DAAM1: variants seen among roughly 807,000 people sequenced by gnomAD.
The protein encoded by DAAM1 is dishevelled associated activator of morphogenesis 1.
Under a neutral mutation model 130.0 loss-of-function variants are expected in DAAM1, and 52 were observed. The ratio of observed to expected loss-of-function variants is 0.40; its 90% confidence interval spans 0.32 to 0.50. The LOEUF (loss-of-function observed/expected upper bound fraction) is 0.50, where lower values mean the gene tolerates loss of function less well. Among genes scored for constraint, DAAM1 ranks in the 20% least tolerant of loss-of-function variants. DAAM1 has a pLI of 0.61. For missense variants in DAAM1, 1,134 were observed against 1,303.8 expected (o/e 0.87, Z 2.01); for synonymous variants, 452 against 444.5 (o/e 1.02, Z -0.21).
chr14:59,310,283 T>A (rs10145834), intron 3 of DAAM1, among the ~76,000 whole-genome samples: 82,775 of 151,510 alleles, frequency 0.55, 23,412 homozygotes, highest in East Asian at 0.89. Context: ...CTAACTTTTT[T>A]AAAATTATTA....
intron 16 of DAAM1, among the ~76,000 whole-genome samples, chr14:59,343,275 A>G (rs1872896447): frequency 6.6e-6 from 1 of 152,146 alleles, no homozygotes; most frequent in South Asian, 2.1e-4. Context: ...GACAGGTTAG[A>G]AGGGGTTAAC....
At chr14:59,282,389 G>A (rs2139545916) in intron 2 of DAAM1, among the ~76,000 whole-genome samples, 1 of 152,228 alleles carries the variant, frequency 6.6e-6, no homozygotes, top group South Asian at 2.1e-4. Flanking sequence ...ATGACTATCA[G>A]GAATATATGA....
rs199631642 is a variant in DAAM1, at chr14:59,323,270, C to G, written c.774+45C>G. ...TCTTCACTCACCCCTTCTTTAAAGTCTGCTCAAACACGTGCTTTTCCTGTC... is the reference window on the plus strand; with the variant it reads ...TCTTCACTCACCCCTTCTTTAAAGTGTGCTCAAACACGTGCTTTTCCTGTC... On this transcript the variant is annotated intron_variant, in intron 6 of 24. Transcript: ENST00000360909. 3.3e-6 allele frequency: 5 copies of G among 1,512,290 alleles called. No homozygotes were observed. The African/African-American group carries it at 6.9e-5, about 21-fold the overall frequency. The allele number at this position is 1,512,290 out of a possible 1,614,324, so 93.7% of individuals were successfully genotyped here. A position where few individuals can be genotyped will look rare whatever the true frequency, so the allele number is the denominator to read the frequency against.
intron 1 of DAAM1, among the ~76,000 whole-genome samples, chr14:59,260,083 C>T (rs1406422936): frequency 1.3e-5 from 2 of 152,160 alleles, no homozygotes; most frequent in Non-Finnish European, 2.9e-5. Context: ...ACTTTTATAG[C>T]AATTTGACAT....
intron 5 of DAAM1, among the ~76,000 whole-genome samples, chr14:59,322,643 G>T (rs930612513): frequency 1.3e-5 from 2 of 152,232 alleles, no homozygotes; most frequent in African/African-American, 4.8e-5. Flanking sequence ...ATGATCTGTT[G>T]TTTGGTTCTT....
intron 24 of DAAM1, 116 bp downstream of exon 24, chr14:59,367,715 T>C: frequency 7.4e-7 from 1 of 1,347,688 alleles, no homozygotes; most frequent in Non-Finnish European, 9.7e-7. Flanking sequence ...CAATGTACTC[T>C]CTAGAATGCT....
intron 1 of DAAM1, among the ~76,000 whole-genome samples, chr14:59,214,291 G>C (rs1888512195): frequency 6.6e-6 from 1 of 152,182 alleles, no homozygotes; most frequent in African/African-American, 2.4e-5. Context: ...TCACTATGAG[G>C]GATGTTAAAT....
chr14:59,259,595 T>G (rs1293282466), intron 1 of DAAM1, among the ~76,000 whole-genome samples: 1 of 152,188 alleles, frequency 6.6e-6, no homozygotes, highest in Admixed American at 6.5e-5. Flanking sequence ...GGATAAGATA[T>G]GGGACACTGG....
rs1006676751 is a variant in DAAM1, at chr14:59,370,704, C to A, written c.*1845C>A. On this transcript the variant is annotated 3_prime_UTR_variant, in exon 25 of 25. Transcript: ENST00000360909. ...TTGCACTCCCCCAATCCCGAGTTAA[C>A]CCAGGTCTGCAATAACACCATGTTA... The A allele has an allele frequency of 1.3e-5, 2 of 152,112 alleles. No individual in the cohort carries two copies. The highest frequency in any genetic ancestry group is 4.8e-5 in the African/African-American group (2 of 41,424). 9.4% of individuals were successfully genotyped at this position (152,112 alleles called of 1,614,324 possible).
At chr14:59,250,994 T>C (rs950846343) in intron 1 of DAAM1, among the ~76,000 whole-genome samples, 2 of 152,224 alleles carry the variant, frequency 1.3e-5, no homozygotes, top group African/African-American at 4.8e-5. Context: ...TCTCAAACTT[T>C]GCTGCACATT....
intron 20 of DAAM1, among the ~76,000 whole-genome samples, chr14:59,358,156 C>T (rs1209732736): frequency 6.6e-6 from 1 of 152,186 alleles, no homozygotes; most frequent in Non-Finnish European, 1.5e-5. Context: ...TTAAAGAATG[C>T]CCATGCCTGA....
At chr14:59,366,726 T>C (rs1312252565) in intron 23 of DAAM1, among the ~76,000 whole-genome samples, 1 of 152,122 alleles carries the variant, frequency 6.6e-6, no homozygotes, top group Non-Finnish European at 1.5e-5. Context: ...CAGCTGAAGA[T>C]AAATATAGGC....
intron 2 of DAAM1, among the ~76,000 whole-genome samples, chr14:59,282,901 GC>G (rs1304730201): frequency 1.3e-5 from 2 of 152,068 alleles, no homozygotes; most frequent in Non-Finnish European, 2.9e-5. Flanking sequence ...AAAATCATAT[GC>G]AGAGACCCTA....
At chr14:59,280,262 A>G (rs1883151028) in intron 2 of DAAM1, among the ~76,000 whole-genome samples, 1 of 152,136 alleles carries the variant, frequency 6.6e-6, no homozygotes, top group African/African-American at 2.4e-5. Flanking sequence ...ACCTCAAATA[A>G]TAGGCTTTAA....
rs1481283836 is a variant in DAAM1, at chr14:59,358,157, C to T, written c.2526-1240C>T. Among the ~76,000 whole-genome samples, 3 of 152,144 alleles carry T rather than the reference C, an allele frequency of 2.0e-5. No homozygotes were observed. The South Asian group carries it at 6.2e-4, about 31-fold the overall frequency. On this transcript the variant is annotated intron_variant, in intron 20 of 24. Coordinates refer to ENST00000360909, the MANE Select transcript of DAAM1 (RefSeq NM_001270520.2). Reference sequence around the variant, plus strand: ...ATCAACAGGGAGTTTTAAAGAATGCCCATGCCTGACTCCACCTCATTCCAA... The same window carrying T: ...ATCAACAGGGAGTTTTAAAGAATGCTCATGCCTGACTCCACCTCATTCCAA...
At chr14:59,365,265 A>G (rs1451489882) in intron 23 of DAAM1, among the ~76,000 whole-genome samples, 1 of 152,202 alleles carries the variant, frequency 6.6e-6, no homozygotes, top group Non-Finnish European at 1.5e-5. Flanking sequence ...CATGATCACT[A>G]GAATTCCTTG....
chr14:59,364,011 G>A (rs1001345498), intron 23 of DAAM1, among the ~76,000 whole-genome samples: 10 of 152,116 alleles, frequency 6.6e-5, no homozygotes, highest in Non-Finnish European at 1.3e-4. Context: ...TTGTCTGACT[G>A]GCCTATGTTG....
intron 2 of DAAM1, among the ~76,000 whole-genome samples, chr14:59,268,486 C>T (rs1481980124): frequency 1.3e-5 from 2 of 152,194 alleles, no homozygotes; most frequent in African/African-American, 2.4e-5. Flanking sequence ...AGTTTCTCCA[C>T]GTCTTTGCCA....
chr14:59,226,391 G>A (rs538882995), intron 1 of DAAM1, among the ~76,000 whole-genome samples: 3 of 152,120 alleles, frequency 2.0e-5, no homozygotes, highest in Admixed American at 2.0e-4. Context: ...ACACACACAC[G>A]TACATAGCAG....
Sources: gnomAD v4.1 joint callset for allele counts (sites outside exome capture counted in the v4.1 genomes callset) on GRCh38, gnomAD v4.1.1 for gene constraint, MANE v1.5 for transcripts, NCBI Gene and HGNC (gene_info 2026-07-23, HGNC 2026-07-21) for gene names.